ARL15: variants seen among roughly 807,000 people sequenced by gnomAD.
ARL15 encodes the protein ARF like GTPase 15.
Under a neutral mutation model 25.2 loss-of-function variants are expected in ARL15, and 19 were observed. The ratio of observed to expected loss-of-function variants is 0.75; its 90% CI spans 0.53 to 1.10. ARL15 has a LOEUF of 1.10. Ranked by LOEUF, ARL15 falls within the 50% of genes least tolerant of loss-of-function variation. ARL15 has a pLI of 0.00. For synonymous variants in ARL15, 94 were observed against 86.8 expected (o/e 1.08, Z -0.46); for missense variants, 220 against 246.0 (o/e 0.89, Z 0.71).
intron 4 of ARL15, among the ~76,000 whole-genome samples, chr5:53,949,890 A>T (rs1328774446): frequency 6.6e-6 from 1 of 152,180 alleles, no homozygotes; most frequent in Non-Finnish European, 1.5e-5. Context: ...AAAAGCAAAA[A>T]CTTAGGACTA....
chr5:53,916,128 G>A (rs1039686471), intron 4 of ARL15, among the ~76,000 whole-genome samples: 4 of 151,912 alleles, frequency 2.6e-5, no homozygotes, highest in African/African-American at 9.7e-5. Flanking sequence ...GGGCTCAAGC[G>A]ATCCTTCTCT....
chr5:54,031,340 C>T (rs1055153239), intron 4 of ARL15, among the ~76,000 whole-genome samples: 1 of 152,128 alleles, frequency 6.6e-6, no homozygotes, highest in African/African-American at 2.4e-5. Context: ...CAAATGTCAT[C>T]TTGGCCACTC....
At chr5:54,058,003 TATTTA>T (rs746873650) in intron 4 of ARL15, among the ~76,000 whole-genome samples, 25 of 143,312 alleles carry the variant, frequency 1.7e-4, no homozygotes, top group South Asian at 2.1e-4. Context: ...TTTATTTATT[TATTTA>T]TTTATTTATT....
chr5:54,221,038 C>A (rs1213198043), intron 1 of ARL15, among the ~76,000 whole-genome samples: 1 of 152,158 alleles, frequency 6.6e-6, no homozygotes, highest in East Asian at 1.9e-4. Flanking sequence ...AGTCTAATTT[C>A]TCTTTCCCCA....
intron 4 of ARL15, among the ~76,000 whole-genome samples, chr5:53,938,300 A>G (rs888054535): frequency 1.3e-5 from 2 of 152,264 alleles, no homozygotes; most frequent in Non-Finnish European, 2.9e-5. Context: ...CTGTGACACC[A>G]AGAATACTTA....
At chr5:54,124,166 C>T (rs1753175405) in intron 3 of ARL15, among the ~76,000 whole-genome samples, 1 of 152,122 alleles carries the variant, frequency 6.6e-6, no homozygotes, top group African/African-American at 2.4e-5. Flanking sequence ...TATTGGGTAT[C>T]CAGTAAGGTT....
chr5:54,167,239 ACT>A (rs1180470478), intron 2 of ARL15, among the ~76,000 whole-genome samples: 7 of 151,978 alleles, frequency 4.6e-5, no homozygotes, highest in Admixed American at 1.3e-4. Flanking sequence ...CTCAAGGGAG[ACT>A]CTGAAAATCT....
chr5:54,217,576 A>T (rs1052343133), intron 1 of ARL15, among the ~76,000 whole-genome samples: 2 of 152,180 alleles, frequency 1.3e-5, no homozygotes, highest in Non-Finnish European at 2.9e-5. Flanking sequence ...AGTTAGTTGT[A>T]TATGCCAAGA....
intron 4 of ARL15, among the ~76,000 whole-genome samples, chr5:53,984,081 G>A (rs865916398): frequency 2.6e-5 from 4 of 152,148 alleles, no homozygotes; most frequent in Non-Finnish European, 4.4e-5. Context: ...GACCGCCCTG[G>A]ATATTAAGGG....
intron 3 of ARL15, among the ~76,000 whole-genome samples, chr5:54,131,084 G>A (rs1338688027): frequency 2.6e-5 from 4 of 152,146 alleles, no homozygotes; most frequent in African/African-American, 9.7e-5. Flanking sequence ...AGTGGGACCT[G>A]GGGCATGCTC....
intron 4 of ARL15, among the ~76,000 whole-genome samples, chr5:54,018,206 C>T (rs763113620): frequency 5.9e-5 from 9 of 152,170 alleles, no homozygotes; most frequent in Non-Finnish European, 1.2e-4. Flanking sequence ...CTCAAATGCA[C>T]ATTTTTTTTT....
chr5:54,006,534 AAC>A (rs1386422430), intron 4 of ARL15, among the ~76,000 whole-genome samples: 3 of 152,062 alleles, frequency 2.0e-5, no homozygotes, highest in African/African-American at 7.2e-5. Flanking sequence ...TGCTGCAACC[AAC>A]AGTTTGAAAA....
chr5:54,010,999 C>CAAA (rs550633292), intron 4 of ARL15, among the ~76,000 whole-genome samples: 6 of 101,618 alleles, frequency 5.9e-5, no homozygotes, highest in African/African-American at 1.3e-4. Flanking sequence ...GGCTCCGTCT[C>CAAA]AAAAAAAAAA....
At chr5:54,069,436 T>C (rs1051065774) in intron 4 of ARL15, among the ~76,000 whole-genome samples, 2 of 151,488 alleles carry the variant, frequency 1.3e-5, no homozygotes, top group Non-Finnish European at 2.9e-5. Flanking sequence ...CTGGGAGTGA[T>C]GGCGAGTGTC....
At chr5:54,100,728 C>G (rs1752411355) in intron 4 of ARL15, among the ~76,000 whole-genome samples, 1 of 151,956 alleles carries the variant, frequency 6.6e-6, no homozygotes, top group Non-Finnish European at 1.5e-5. Context: ...CAAATACGGA[C>G]TATATTAATA....
chr5:54,206,088 A>C (rs1282770467), intron 1 of ARL15, among the ~76,000 whole-genome samples: 1 of 152,206 alleles, frequency 6.6e-6, no homozygotes, highest in African/African-American at 2.4e-5. Flanking sequence ...CAAACCAAAC[A>C]GTGGCAGTAA....
chr5:54,033,692 G>T (rs1012873750), intron 4 of ARL15, among the ~76,000 whole-genome samples: 1 of 150,358 alleles, frequency 6.7e-6, no homozygotes, highest in African/African-American at 2.4e-5. Flanking sequence ...AAAAAAGAAA[G>T]AAATCACTTT....
At chr5:54,031,170 G>A (rs1290596135) in intron 4 of ARL15, among the ~76,000 whole-genome samples, 3 of 152,120 alleles carry the variant, frequency 2.0e-5, no homozygotes, top group African/African-American at 7.2e-5. Flanking sequence ...TGAGAAAAAA[G>A]TTTGTGCCGA....
intron 4 of ARL15, among the ~76,000 whole-genome samples, chr5:53,938,726 TC>T (rs1198965740): frequency 2.0e-5 from 3 of 152,144 alleles, no homozygotes; most frequent in African/African-American, 7.2e-5. Flanking sequence ...ACTTGCAAGT[TC>T]CAGTTACTTG....
Sources: gnomAD v4.1 joint callset for allele counts (sites outside exome capture counted in the v4.1 genomes callset) on GRCh38, gnomAD v4.1.1 for gene constraint, MANE v1.5 for transcripts, NCBI Gene and HGNC (gene_info 2026-07-23, HGNC 2026-07-21) for gene names.